Variants in KIF16B observed in about 807,000 individuals in gnomAD.
The protein encoded by KIF16B is kinesin-like protein KIF16B.
KIF16B carries 98 observed loss-of-function variants against 156.3 expected under a neutral mutation model. The observed-to-expected ratio is 0.63, with a 90% confidence interval of 0.53 to 0.74. The LOEUF (loss-of-function observed/expected upper bound fraction) is 0.74. Ranked by LOEUF, KIF16B falls within the 30% of genes least tolerant of loss-of-function variation. The pLI, the probability that KIF16B is intolerant of heterozygous loss-of-function variation, is 0.00. For missense variants in KIF16B, 1,421 were observed against 1,606.5 expected (o/e 0.88, Z 1.97); for synonymous variants, 564 against 583.7 (o/e 0.97, Z 0.49).
At chr20:16,514,548 G>T (rs1160427997) in intron 4 of KIF16B, among the ~76,000 whole-genome samples, 1 of 142,690 alleles carries the variant, frequency 7.0e-6, no homozygotes, top group Non-Finnish European at 1.5e-5. Flanking sequence ...CACAGGTTTG[G>T]CAGGCAATGA....
chr20:16,505,854 C>A lies in KIF16B; in HGVS notation c.869-1G>T, dbSNP rs1568615653. 6.2e-7 allele frequency: 1 copy of A among 1,613,490 alleles called. No individual in the cohort carries two copies. Among genetic ancestry groups the A allele is most frequent in the South Asian group, 1.1e-5 (1 of 90,932 alleles). On this transcript the variant is annotated splice_acceptor_variant, in intron 8 of 25. Coordinates refer to ENST00000354981, the MANE Select transcript of KIF16B (RefSeq NM_024704.5). LOFTEE classifies it high-confidence loss of function. ...TTTGCAGCATCCTGAGATAAATCAG[C>A]TATGAAAAGGAAGAAACAAAGGGGA...
At position 16,302,493 on chromosome 20, in the gene KIF16B, A is replaced by C. The variant is rs2122612484; in HGVS notation, c.3795+9842T>G. Among the ~76,000 whole-genome samples, 2 of 152,294 alleles carry C rather than the reference A, an allele frequency of 1.3e-5. 1 individual carries two copies. On this transcript the variant is annotated intron_variant, in intron 25 of 25. Transcript: ENST00000354981. ...ATCTGTCTATTCTTTCACCAGTACA[A>C]CGCTGTCTTGATTACTGCAGCTTTG...
chr20:16,382,988 G>T (rs961812160), intron 17 of KIF16B, among the ~76,000 whole-genome samples: 1 of 152,160 alleles, frequency 6.6e-6, no homozygotes, highest in African/African-American at 2.4e-5. Flanking sequence ...ATGTCTGGTG[G>T]ATTTCGTTTT....
At chr20:16,361,947 C>A (rs756538186) in intron 22 of KIF16B, among the ~76,000 whole-genome samples, 53 of 152,282 alleles carry the variant, frequency 3.5e-4, no homozygotes, top group Middle Eastern at 6.8e-3. Context: ...CACCAAAGAT[C>A]ATTGTATTAA....
chr20:16,341,562 G>A (rs552317437), intron 23 of KIF16B, among the ~76,000 whole-genome samples: 1 of 152,308 alleles, frequency 6.6e-6, no homozygotes, highest in South Asian at 2.1e-4. Context: ...TACCTTACTT[G>A]ATATTTTAAT....
intron 3 of KIF16B, among the ~76,000 whole-genome samples, chr20:16,525,418 A>T (rs1388319954): frequency 6.6e-6 from 1 of 151,962 alleles, no homozygotes; most frequent in Non-Finnish European, 1.5e-5. Context: ...TGCTCAAATA[A>T]GCAGCTTTTC....
At chr20:16,316,106 T>C (rs1461852247) in intron 24 of KIF16B, among the ~76,000 whole-genome samples, 1 of 152,212 alleles carries the variant, frequency 6.6e-6, no homozygotes, top group East Asian at 1.9e-4. Flanking sequence ...AAGCTCAGGT[T>C]GGACAAGATG....
intron 24 of KIF16B, among the ~76,000 whole-genome samples, chr20:16,324,042 A>G (rs890546290): frequency 6.6e-6 from 1 of 152,006 alleles, no homozygotes; most frequent in African/African-American, 2.4e-5. Flanking sequence ...CATTTTTTAA[A>G]GTGAAAGATA....
At position 16,508,220 on chromosome 20, in the gene KIF16B, A is replaced by C; in HGVS notation, c.557-120T>G. ...ATCTGCTGACCTGTCTGAAGACCTC[A>C]CTTGTCTCTCTAGGGTGGTGGTATG... On this transcript the variant is annotated intron_variant, in intron 6 of 25. Transcript: ENST00000354981. 7 of 1,142,462 alleles carry C rather than the reference A, an allele frequency of 6.1e-6. No homozygotes were observed. The South Asian group carries it at 1.0e-4, about 16-fold the overall frequency. The allele number at this position is 1,142,462 out of a possible 1,614,324, so 70.8% of individuals were successfully genotyped here.
At chr20:16,396,927 A>G (rs966614593) in intron 17 of KIF16B, among the ~76,000 whole-genome samples, 2 of 152,064 alleles carry the variant, frequency 1.3e-5, no homozygotes, top group African/African-American at 2.4e-5. Flanking sequence ...TGGGTTTGAA[A>G]GCTAGAATTT....
At chr20:16,432,210 A>C (rs1470439170) in intron 12 of KIF16B, among the ~76,000 whole-genome samples, 1 of 152,122 alleles carries the variant, frequency 6.6e-6, no homozygotes, top group Non-Finnish European at 1.5e-5. Flanking sequence ...CAGAAGGTTG[A>C]AGGTAAAAAT....
chr20:16,318,629 A>C (rs948145251), intron 24 of KIF16B, among the ~76,000 whole-genome samples: 1 of 152,192 alleles, frequency 6.6e-6, no homozygotes, highest in Non-Finnish European at 1.5e-5. Context: ...AGAAAATTAA[A>C]AAGTATTGGT....
At chr20:16,573,033 G>T (rs901587434) in intron 1 of KIF16B, among the ~76,000 whole-genome samples, 196 bp downstream of exon 1, 5 of 152,116 alleles carry the variant, frequency 3.3e-5, no homozygotes, top group African/African-American at 1.2e-4. Context: ...TACCACCAGG[G>T]TCCTCTCCAG....
chr20:16,288,609 G>A, intron 25 of KIF16B, among the ~76,000 whole-genome samples: 2 of 148,490 alleles, frequency 1.3e-5, no homozygotes, highest in Non-Finnish European at 3.0e-5. Context: ...ATCATAAGTG[G>A]AAGAGCATCT....
At chr20:16,358,167 C>T (rs573720021) in intron 22 of KIF16B, among the ~76,000 whole-genome samples, 10 of 152,000 alleles carry the variant, frequency 6.6e-5, no homozygotes, top group African/African-American at 9.7e-5. Context: ...CCAGCCTGGG[C>T]GACAGAGCGA....
At chr20:16,518,433 T>TAGG (rs2069217757) in intron 3 of KIF16B, among the ~76,000 whole-genome samples, 1 of 152,168 alleles carries the variant, frequency 6.6e-6, no homozygotes, top group Admixed American at 6.5e-5. Context: ...GAAAGCTGAT[T>TAGG]TCCTGGGTAA....
rs1568623585 is a variant in KIF16B, at chr20:16,511,491, T to C, written c.483A>G (p.Leu161=). The C allele has an allele frequency of 1.2e-6, 2 of 1,611,938 alleles. No individual in the cohort carries two copies. Among genetic ancestry groups the C allele is most frequent in the Non-Finnish European group, 1.7e-6 (2 of 1,178,788 alleles). ...AGGTTTTAGATGACTTCCGCCGAAG[T>C]AGATCTCTCACACGTTCGTTATAAA... The part of the protein sequence containing the change: ...LEIYNERVRD[L]LRRKSSKTFN... The change falls in exon 6 of 26, where the codon CTA becomes CTG. Residue 161 remains leucine (L), a synonymous_variant. Transcript: ENST00000354981.
intron 1 of KIF16B, among the ~76,000 whole-genome samples, chr20:16,571,896 C>A (rs1364738257): frequency 6.6e-6 from 1 of 152,144 alleles, no homozygotes; most frequent in Non-Finnish European, 1.5e-5. Flanking sequence ...CCCAAAGTGG[C>A]TCCCAGGCAT....
At chr20:16,414,086 G>A (rs1427106241) in intron 15 of KIF16B, among the ~76,000 whole-genome samples, 13 of 152,002 alleles carry the variant, frequency 8.6e-5, no homozygotes, top group Admixed American at 3.3e-4. Context: ...CAATACTTAA[G>A]AACAGATTAA....
Sources: allele counts gnomAD v4.1 joint callset (sites outside exome capture counted in the v4.1 genomes callset), GRCh38; gene constraint gnomAD v4.1.1; transcripts MANE v1.5; gene names NCBI Gene and HGNC (gene_info 2026-07-23, HGNC 2026-07-21).